Variants in CUL1 observed in about 807,000 individuals in gnomAD.
CUL1 encodes cullin-1.
Under a neutral mutation model 118.0 loss-of-function variants are expected in CUL1, and 24 were observed. The observed-to-expected ratio is 0.20, with a 90% CI of 0.15 to 0.29. The LOEUF (loss-of-function observed/expected upper bound fraction) is 0.29. CUL1 is among the 10% of genes least tolerant of loss of function. The probability of loss-of-function intolerance (pLI) is 1.00; values close to 1 mark genes in which losing one functional copy is unlikely to be tolerated. For synonymous variants in CUL1, 332 were observed against 340.4 expected, an observed-to-expected ratio of 0.98 and a Z score of 0.27; for missense variants, 361 against 933.8, an observed-to-expected ratio of 0.39 and a Z score of 7.99.
At position 148,730,092 on chromosome 7, in the gene CUL1, T is replaced by G; in HGVS notation, c.-31T>G. ...TAGCTGTACTTTGAATAAGGATTGC[T>G]GCACTGGACGACTTTAGAACATCCC... On this transcript the variant is annotated 5_prime_UTR_variant, in exon 2 of 22. Transcript: ENST00000325222. 1.2e-6 allele frequency: 2 copies of G among 1,603,502 alleles called. No individual in the cohort carries two copies. The highest frequency in any genetic ancestry group is 8.5e-7 in the Non-Finnish European group (1 of 1,174,868).
intron 9 of CUL1, among the ~76,000 whole-genome samples, chr7:148,770,505 G>T (rs1800172418): frequency 6.6e-6 from 1 of 152,208 alleles, no homozygotes; most frequent in African/African-American, 2.4e-5. Flanking sequence ...AAATGTTCGG[G>T]AAAGCAAATA....
chr7:148,782,766 T>C (rs995278031), intron 9 of CUL1, among the ~76,000 whole-genome samples: 1 of 152,186 alleles, frequency 6.6e-6, no homozygotes, highest in African/African-American at 2.4e-5. Context: ...AAATGCAGAA[T>C]AGGTAGAATT....
At chr7:148,721,953 A>G (rs1798411631) in intron 1 of CUL1, among the ~76,000 whole-genome samples, 1 of 152,234 alleles carries the variant, frequency 6.6e-6, no homozygotes. Flanking sequence ...GAGTTTCTGT[A>G]AGTCTAAATT....
chr7:148,735,757 CGT>C (rs774635555), intron 2 of CUL1, among the ~76,000 whole-genome samples: 3 of 151,618 alleles, frequency 2.0e-5, no homozygotes, highest in Non-Finnish European at 4.4e-5. Flanking sequence ...CTATCCTTCT[CGT>C]GTGTGTGTGT....
chr7:148,727,320 A>G (rs1798618710), intron 1 of CUL1, among the ~76,000 whole-genome samples: 1 of 152,242 alleles, frequency 6.6e-6, no homozygotes, highest in African/African-American at 2.4e-5. Context: ...TTTAGAAGAA[A>G]CGAGATAGAA....
At chr7:148,746,255 A>G (rs1799306654) in intron 2 of CUL1, among the ~76,000 whole-genome samples, 1 of 152,214 alleles carries the variant, frequency 6.6e-6, no homozygotes, top group South Asian at 2.1e-4. Context: ...TCTGGAAGCA[A>G]CTGCTACATT....
chr7:148,745,041 G>A (rs988517096), intron 2 of CUL1, among the ~76,000 whole-genome samples: 3 of 151,730 alleles, frequency 2.0e-5, no homozygotes, highest in Non-Finnish European at 4.4e-5. Flanking sequence ...TCCCCCTTTG[G>A]TTTTCTAGAA....
At chr7:148,698,593 G>T (rs1028469932), upstream of CUL1, 3 of 151,836 alleles carry the variant, frequency 2.0e-5, no homozygotes, top group Non-Finnish European at 2.9e-5. Context: ...GGGCGCCCCC[G>T]GGGCCGCCGG....
At chr7:148,765,459 G>A (rs1486897322) in intron 7 of CUL1, among the ~76,000 whole-genome samples, 1 of 152,082 alleles carries the variant, frequency 6.6e-6, no homozygotes, top group African/African-American at 2.4e-5. Flanking sequence ...GTGAGACCTT[G>A]TCTCTAGAAA....
chr7:148,717,690 G>A (rs535157552), intron 1 of CUL1, among the ~76,000 whole-genome samples: 1 of 151,904 alleles, frequency 6.6e-6, no homozygotes, highest in African/African-American at 2.4e-5. Flanking sequence ...ATCCTTCACC[G>A]GGCTCCTGTG....
chr7:148,726,850 AT>A (rs57464809), intron 1 of CUL1, among the ~76,000 whole-genome samples: 2,275 of 148,634 alleles, frequency 0.015, 55 homozygotes, highest in African/African-American at 0.052. Context: ...AAAAAAAAAA[AT>A]TTTTTTTTAA....
chr7:148,775,411 A>G (rs1458426481), intron 9 of CUL1, among the ~76,000 whole-genome samples: 1 of 152,228 alleles, frequency 6.6e-6, no homozygotes, highest in Non-Finnish European at 1.5e-5. Flanking sequence ...ATAGACTCTT[A>G]GAGCCATAGC....
chr7:148,789,999 G>C (rs1019392425), intron 15 of CUL1, among the ~76,000 whole-genome samples, 173 bp downstream of exon 15: 1 of 152,244 alleles, frequency 6.6e-6, no homozygotes, highest in South Asian at 2.1e-4. Context: ...GGCAGGTCTG[G>C]ATGTCTAAAG....
At chr7:148,725,662 C>T (rs1288297681) in intron 1 of CUL1, among the ~76,000 whole-genome samples, 1 of 152,242 alleles carries the variant, frequency 6.6e-6, no homozygotes, top group Non-Finnish European at 1.5e-5. Context: ...GACCTCCTCA[C>T]AGGTCTCTGT....
intron 1 of CUL1, among the ~76,000 whole-genome samples, chr7:148,717,199 G>A (rs1281470828): frequency 6.6e-6 from 1 of 152,108 alleles, no homozygotes; most frequent in African/African-American, 2.4e-5. Flanking sequence ...TGGGATTACA[G>A]CCACCTGCCA....
chr7:148,731,648 C>G (rs192694776), intron 2 of CUL1, among the ~76,000 whole-genome samples: 3 of 152,238 alleles, frequency 2.0e-5, no homozygotes, highest in South Asian at 2.1e-4. Context: ...ATTTTAATCA[C>G]CCCAAAACGA....
chr7:148,783,730 A>C, intron 9 of CUL1, 53 bp from the exon 10 acceptor site: 1 of 1,598,710 alleles, frequency 6.3e-7, no homozygotes, highest in Non-Finnish European at 8.6e-7. Context: ...ACCTTAATAC[A>C]CAATTTAATC....
intron 7 of CUL1, among the ~76,000 whole-genome samples, chr7:148,763,102 G>A (rs939752073): frequency 5.9e-5 from 9 of 151,878 alleles, no homozygotes; most frequent in African/African-American, 1.7e-4. Context: ...AGCCGAGATC[G>A]CGCCATTGCA....
intron 3 of CUL1, 49 bp downstream of exon 3, chr7:148,754,199 AAG>A (rs750043531): frequency 1.6e-6 from 2 of 1,232,468 alleles, no homozygotes; most frequent in Non-Finnish European, 2.3e-6. Flanking sequence ...GATATAAAAA[AAG>A]TGAAATAATG....
Sources: gnomAD v4.1 joint callset for allele counts (sites outside exome capture counted in the v4.1 genomes callset) on GRCh38, gnomAD v4.1.1 for gene constraint, MANE v1.5 for transcripts, NCBI Gene and HGNC (gene_info 2026-07-23, HGNC 2026-07-21) for gene names.